Variants in CDH4 observed in about 807,000 individuals in gnomAD.
The protein encoded by CDH4 is cadherin-4.
CDH4 carries 33 observed loss-of-function variants against 86.0 expected under a neutral mutation model. The ratio of observed to expected loss-of-function variants is 0.38; its 90% CI spans 0.29 to 0.51. The LOEUF (loss-of-function observed/expected upper bound fraction) is 0.51. CDH4 is among the 20% of genes least tolerant of loss of function. The pLI is 0.86. For missense variants in CDH4, 1,114 were observed against 1,307.4 expected (o/e 0.85, Z 2.28); for synonymous variants, 555 against 549.4 (o/e 1.01, Z -0.14).
At chr20:61,354,192 C>T (rs1294260119) in intron 2 of CDH4, among the ~76,000 whole-genome samples, 1 of 152,056 alleles carries the variant, frequency 6.6e-6, no homozygotes, top group African/African-American at 2.4e-5. Context: ...CCCCAGAGGC[C>T]CAAATGTCCC....
chr20:61,823,041 A>G (rs1385397464), intron 4 of CDH4, among the ~76,000 whole-genome samples: 1 of 152,164 alleles, frequency 6.6e-6, no homozygotes, highest in Non-Finnish European at 1.5e-5. Flanking sequence ...GGAGGCTGGT[A>G]AGTCCTAAGA....
chr20:61,928,492 G>T, intron 12 of CDH4, 69 bp downstream of exon 12: 1 of 1,388,558 alleles, frequency 7.2e-7, no homozygotes, highest in Non-Finnish European at 1.0e-6. Context: ...AGACCCAGCT[G>T]GCCTTGGAAG....
chr20:61,795,894 C>G (rs1395499284), intron 4 of CDH4, among the ~76,000 whole-genome samples: 1 of 146,404 alleles, frequency 6.8e-6, no homozygotes, highest in Non-Finnish European at 1.5e-5. Flanking sequence ...ATTCTCAGAG[C>G]TGTGCTAAGA....
At chr20:61,791,954 G>T (rs1467619878) in intron 4 of CDH4, among the ~76,000 whole-genome samples, 1 of 152,186 alleles carries the variant, frequency 6.6e-6, no homozygotes, top group Non-Finnish European at 1.5e-5. Flanking sequence ...CCAGTAGGAG[G>T]TTGGGTGTAG....
intron 2 of CDH4, among the ~76,000 whole-genome samples, chr20:61,657,303 CAGA>C (rs1037907731): frequency 6.6e-6 from 1 of 152,236 alleles, no homozygotes; most frequent in Non-Finnish European, 1.5e-5. Flanking sequence ...ATTACGTACG[CAGA>C]AGGAGGCTCT....
chr20:61,452,130 C>T (rs1413272064), intron 2 of CDH4, among the ~76,000 whole-genome samples: 4 of 152,134 alleles, frequency 2.6e-5, no homozygotes, highest in Non-Finnish European at 5.9e-5. Context: ...CAGAGTTGCG[C>T]GGCTGGTGGA....
chr20:61,768,966 G>A (rs2088737709), intron 3 of CDH4, among the ~76,000 whole-genome samples: 1 of 152,204 alleles, frequency 6.6e-6, no homozygotes. Context: ...GCCCTGGTGA[G>A]CTGCTGCTGG....
chr20:61,479,202 G>GGT (rs2085555824), intron 2 of CDH4, among the ~76,000 whole-genome samples: 1 of 151,714 alleles, frequency 6.6e-6, no homozygotes, highest in African/African-American at 2.4e-5. Context: ...TTTATGCAAG[G>GGT]GTGTTTTTTT....
chr20:61,598,698 G>A (rs2086575296), intron 2 of CDH4, among the ~76,000 whole-genome samples: 2 of 152,306 alleles, frequency 1.3e-5, no homozygotes, highest in South Asian at 4.1e-4. Context: ...CTTAGCCACA[G>A]GCCAGATCTC....
At chr20:61,357,800 T>C (rs574031258) in intron 2 of CDH4, among the ~76,000 whole-genome samples, 2 of 152,340 alleles carry the variant, frequency 1.3e-5, no homozygotes, top group African/African-American at 4.8e-5. Context: ...AGCAGACCCG[T>C]GTGCCAGCCA....
chr20:61,764,255 T>C (rs1445720766), intron 3 of CDH4, among the ~76,000 whole-genome samples: 2 of 152,340 alleles, frequency 1.3e-5, no homozygotes, highest in South Asian at 4.1e-4. Flanking sequence ...AGTGTGGTTT[T>C]CTCAACATGC....
chr20:61,484,334 C>T (rs913694956), intron 2 of CDH4, among the ~76,000 whole-genome samples: 3 of 152,180 alleles, frequency 2.0e-5, no homozygotes, highest in Non-Finnish European at 4.4e-5. Context: ...TTCTGCCCAC[C>T]GCAACCCCCA....
chr20:61,268,052 G>A (rs1238443074), intron 2 of CDH4, among the ~76,000 whole-genome samples: 1 of 152,210 alleles, frequency 6.6e-6, no homozygotes, highest in Non-Finnish European at 1.5e-5. Context: ...CTTGACAGGG[G>A]AATGCTCTTT....
chr20:61,563,052 G>T (rs1339327384), intron 2 of CDH4, among the ~76,000 whole-genome samples: 1 of 152,202 alleles, frequency 6.6e-6, no homozygotes, highest in East Asian at 1.9e-4. Flanking sequence ...CTCCTGACCT[G>T]TGAAGTCTAC....
intron 6 of CDH4, among the ~76,000 whole-genome samples, chr20:61,868,726 C>CAGG (rs1983663225): frequency 6.6e-6 from 1 of 152,230 alleles, no homozygotes; most frequent in Non-Finnish European, 1.5e-5. Flanking sequence ...CCACACTGGG[C>CAGG]AGGTGTCCTC....
At chr20:61,608,217 A>G (rs150057151) in intron 2 of CDH4, among the ~76,000 whole-genome samples, 117 of 152,334 alleles carry the variant, frequency 7.7e-4, no homozygotes, top group Non-Finnish European at 1.4e-3. Context: ...TAACCAGTCC[A>G]ACCAGCATGC....
Position 61,485,909 on chromosome 20 carries a change from G to A in CDH4, c.169+230972G>A, listed in dbSNP as rs146450601. On this transcript the variant is annotated intron_variant, in intron 2 of 15. Transcript: ENST00000614565. ...CCTCTGATCCTCCCTTGGTTGGAGA[G>A]ACTCCCAACACACGCACCCACTAAT... 9.8e-4 allele frequency among the ~76,000 whole-genome samples: 149 copies of A among 152,328 alleles called. No individual in the cohort carries two copies. In the East Asian group the frequency reaches 0.021, roughly 22 times the overall value.
In CDH4 at chr20:61,269,948, A is replaced by G. The variant is rs542736144; in HGVS notation, c.169+15011A>G. 6.6e-6 allele frequency among the ~76,000 whole-genome samples: 1 copy of G among 152,312 alleles called. No individual in the cohort carries two copies. The highest frequency in any genetic ancestry group is 2.1e-4 in the South Asian group (1 of 4,828). On this transcript the variant is annotated intron_variant, in intron 2 of 15. Transcript: ENST00000614565. This position sits in a 1 kb window ranked among gnomAD's most constrained non-coding sequence, Gnocchi z 5.3. The stretch of plus-strand genomic sequence containing the variant: ...ATCTCCTCCAGAATCTGGCCCCCAG[A>G]TGTGGAGAGGGCCGGCCGACCTTTG...
intron 2 of CDH4, among the ~76,000 whole-genome samples, chr20:61,405,611 C>T (rs890004211): frequency 6.6e-6 from 1 of 152,064 alleles, no homozygotes; most frequent in Non-Finnish European, 1.5e-5. Flanking sequence ...ACCCAAGGGT[C>T]TCAACTCCTG....
Sources: allele counts gnomAD v4.1 joint callset (sites outside exome capture counted in the v4.1 genomes callset), GRCh38; gene constraint gnomAD v4.1.1; non-coding constraint Gnocchi (gnomAD v3.1); transcripts MANE v1.5; gene names NCBI Gene and HGNC (gene_info 2026-07-23, HGNC 2026-07-21).